HS6ST2: variants seen among roughly 807,000 people sequenced by gnomAD.
The protein encoded by HS6ST2 is heparan-sulfate 6-O-sulfotransferase 2.
HS6ST2 carries 17 observed loss-of-function variants against 33.0 expected under a neutral mutation model. The observed-to-expected ratio is 0.52, with a 90% confidence interval of 0.35 to 0.77. The LOEUF (loss-of-function observed/expected upper bound fraction) is 0.77. Among genes scored for constraint, HS6ST2 ranks in the 30% least tolerant of loss-of-function variants. The pLI is 0.01. For synonymous variants in HS6ST2, 248 were observed against 237.1 expected, an observed-to-expected ratio of 1.05 and a Z score of -0.42; for missense variants, 519 against 551.7, an observed-to-expected ratio of 0.94 and a Z score of 0.59.
intron 3 of HS6ST2, among the ~76,000 whole-genome samples, chrX:132,692,867 G>C (rs891218071): frequency 9.0e-6 from 1 of 111,676 alleles, no homozygotes; most frequent in Non-Finnish European, 1.9e-5. Context: ...CTTTTTGAGG[G>C]CATATGGACC....
chrX:132,956,747 C>T (rs1173804624), intron 2 of HS6ST2, 61 bp downstream of exon 2: 1 of 1,092,777 alleles, frequency 9.2e-7, no homozygotes, highest in Non-Finnish European at 1.2e-6. Context: ...GGGCCAGCCG[C>T]GCCTCCCAGC....
chrX:132,650,755 C>CTCTG (rs1556409625), intron 4 of HS6ST2, among the ~76,000 whole-genome samples: 3 of 107,594 alleles, frequency 2.8e-5, no homozygotes, highest in Non-Finnish European at 3.8e-5. Flanking sequence ...CTCTCTCTCT[C>CTCTG]TCTCTCTCTC....
At chrX:132,812,334 G>A (rs1052384714) in intron 2 of HS6ST2, among the ~76,000 whole-genome samples, 7 of 106,486 alleles carry the variant, frequency 6.6e-5, no homozygotes, top group African/African-American at 2.4e-4. Context: ...GAACCCAGGA[G>A]GTGGAGGTTG....
intron 4 of HS6ST2, among the ~76,000 whole-genome samples, chrX:132,653,516 C>T (rs900154766): frequency 9.0e-6 from 1 of 111,378 alleles, no homozygotes; most frequent in African/African-American, 3.3e-5. Flanking sequence ...GCTTGTCTCA[C>T]GATTTGTTTG....
chrX:132,741,308 T>TG (rs1354577032), intron 2 of HS6ST2, among the ~76,000 whole-genome samples: 2 of 109,361 alleles, frequency 1.8e-5, no homozygotes, highest in Non-Finnish European at 3.8e-5. Context: ...TTTTGTTTTT[T>TG]TTTTTTTTTG....
At chrX:132,825,218 G>A (rs146430116) in intron 2 of HS6ST2, among the ~76,000 whole-genome samples, 1,331 of 111,471 alleles carry the variant, frequency 0.012, 10 homozygotes, top group Non-Finnish European at 0.017. Flanking sequence ...TGAGATCCCA[G>A]TATTCTAGTA....
At chrX:132,763,129 G>T (rs1051225288) in intron 2 of HS6ST2, among the ~76,000 whole-genome samples, 1 of 111,910 alleles carries the variant, frequency 8.9e-6, no homozygotes, top group East Asian at 2.8e-4. Flanking sequence ...CTACAGGCTC[G>T]AATAACTGAG....
chrX:132,773,648 AAAG>A (rs2064928573), intron 2 of HS6ST2, among the ~76,000 whole-genome samples: 1 of 112,392 alleles, frequency 8.9e-6, no homozygotes, highest in African/African-American at 3.2e-5. Flanking sequence ...TGGTCACAAA[AAAG>A]AAGTGAAGCT....
intron 2 of HS6ST2, among the ~76,000 whole-genome samples, chrX:132,760,303 G>A (rs2064794279): frequency 9.0e-6 from 1 of 111,078 alleles, no homozygotes; most frequent in African/African-American, 3.3e-5. Flanking sequence ...CATGTGTCAT[G>A]GGAGGGACTT....
intron 2 of HS6ST2, among the ~76,000 whole-genome samples, chrX:132,907,115 C>A (rs1185414170): frequency 8.9e-6 from 1 of 112,548 alleles, no homozygotes; most frequent in African/African-American, 3.2e-5. Context: ...ATTTCTTGTA[C>A]TGCCTACAGA....
In HS6ST2 at chrX:132,661,819, GGATT is replaced by G. The variant is rs768107977; in HGVS notation, c.1067+7290_1067+7293del. Among the ~76,000 whole-genome samples the G allele has an allele frequency of 4.1e-4, 46 of 111,399 alleles. No homozygotes were observed. In the East Asian group the frequency reaches 8.8e-3, roughly 21 times the overall value. On this transcript the variant is annotated intron_variant, in intron 4 of 4. Transcript: ENST00000370833. Reference sequence around the variant, plus strand: ...ACCACTTTAGGAGGCCAAGGCAGGAGGATTGTTTGAGACCAGCCTGGGCAACATA... The same window carrying G: ...ACCACTTTAGGAGGCCAAGGCAGGAGGTTTGAGACCAGCCTGGGCAACATA...
intron 2 of HS6ST2, among the ~76,000 whole-genome samples, chrX:132,714,098 T>C (rs1205113377): frequency 8.9e-6 from 1 of 111,927 alleles, no homozygotes; most frequent in Non-Finnish European, 1.9e-5. Context: ...TGGTCACTTA[T>C]TCCCTAGAAT....
At chrX:132,911,813 A>AT (rs2066537902) in intron 2 of HS6ST2, among the ~76,000 whole-genome samples, 2 of 109,897 alleles carry the variant, frequency 1.8e-5, no homozygotes, top group African/African-American at 6.6e-5. Flanking sequence ...AATTTTTTGT[A>AT]TTTTTAGTAG....
At chrX:132,823,965 G>A (rs1033313264) in intron 2 of HS6ST2, among the ~76,000 whole-genome samples, 12 of 109,585 alleles carry the variant, frequency 1.1e-4, no homozygotes, top group African/African-American at 2.7e-4. Context: ...GTAGTATTCC[G>A]TGGGTTATAT....
chrX:132,650,391 G>A (rs2063680708), intron 4 of HS6ST2, among the ~76,000 whole-genome samples: 2 of 111,675 alleles, frequency 1.8e-5, no homozygotes, highest in Admixed American at 9.5e-5. Context: ...CACTGTGCAG[G>A]AGAACAGTGA....
chrX:132,900,003 C>G, intron 2 of HS6ST2, among the ~76,000 whole-genome samples: 1 of 111,590 alleles, frequency 9.0e-6, no homozygotes, highest in South Asian at 3.7e-4. Flanking sequence ...AGGGAGCAGT[C>G]TGAGAAAATT....
chrX:132,914,662 C>T (rs746404388), intron 2 of HS6ST2, among the ~76,000 whole-genome samples: 220 of 111,983 alleles, frequency 2.0e-3, no homozygotes, highest in Non-Finnish European at 3.2e-3. Flanking sequence ...GGGCAGCCAT[C>T]TAACCAACAC....
chrX:132,776,894 T>A (rs1463751138), intron 2 of HS6ST2, among the ~76,000 whole-genome samples: 4 of 110,490 alleles, frequency 3.6e-5, no homozygotes, highest in Non-Finnish European at 7.6e-5. Context: ...AGTCTCTGAT[T>A]ACTCCAGCTC....
intron 4 of HS6ST2, among the ~76,000 whole-genome samples, chrX:132,667,005 A>G (rs921623174): frequency 3.6e-5 from 4 of 110,848 alleles, no homozygotes; most frequent in African/African-American, 1.3e-4. Context: ...GGCAATCACA[A>G]CTCTCTCTGA....
Sources: gnomAD v4.1 joint callset for allele counts (sites outside exome capture counted in the v4.1 genomes callset) on GRCh38, gnomAD v4.1.1 for gene constraint, MANE v1.5 for transcripts, NCBI Gene and HGNC (gene_info 2026-07-23, HGNC 2026-07-21) for gene names.